SLC4A10: variants seen among roughly 807,000 people sequenced by gnomAD.
SLC4A10 encodes the protein solute carrier family 4 member 10, also known as sodium-driven chloride bicarbonate exchanger.
SLC4A10 carries 42 observed loss-of-function variants against 137.7 expected under a neutral mutation model. That is an observed-to-expected ratio of 0.30 (90% confidence interval 0.24 to 0.39). The LOEUF is 0.39. Among genes scored for constraint, SLC4A10 ranks in the 10% least tolerant of loss-of-function variants. SLC4A10 has a pLI of 1.00. For synonymous variants in SLC4A10, 474 were observed against 464.1 expected, an observed-to-expected ratio of 1.02 and a Z score of -0.27; for missense variants, 925 against 1,355.0, an observed-to-expected ratio of 0.68 and a Z score of 4.98.
At chr2:161,780,444 G>A (rs1039515132) in intron 2 of SLC4A10, among the ~76,000 whole-genome samples, 1 of 151,932 alleles carries the variant, frequency 6.6e-6, no homozygotes, top group African/African-American at 2.4e-5. Flanking sequence ...GCCCTTATAA[G>A]ACTGTGGCAC....
At chr2:161,887,182 A>G (rs968561800) in intron 10 of SLC4A10, among the ~76,000 whole-genome samples, 3 of 152,128 alleles carry the variant, frequency 2.0e-5, no homozygotes, top group African/African-American at 7.2e-5. Flanking sequence ...TTCTTTATCC[A>G]GTCTATCATT....
intron 12 of SLC4A10, 63 bp from the exon 13 acceptor site, chr2:161,903,941 G>A (rs1683723701): frequency 6.8e-7 from 1 of 1,471,090 alleles, no homozygotes; most frequent in Middle Eastern, 2.4e-4. Context: ...AAGCAAATGA[G>A]CATTTTGACT....
At chr2:161,831,701 CA>C (rs1418631079) in intron 3 of SLC4A10, among the ~76,000 whole-genome samples, 2 of 151,986 alleles carry the variant, frequency 1.3e-5, no homozygotes, top group East Asian at 3.9e-4. Context: ...AGCAAAATCC[CA>C]AGAATTCTTT....
chr2:161,775,789 TA>T (rs759350844), intron 2 of SLC4A10, among the ~76,000 whole-genome samples: 10 of 152,042 alleles, frequency 6.6e-5, no homozygotes, highest in South Asian at 4.1e-4. Context: ...ATTTAATGGA[TA>T]TTTTTTTTTC....
intron 11 of SLC4A10, among the ~76,000 whole-genome samples, chr2:161,896,816 A>G (rs1195605708): frequency 6.6e-6 from 1 of 152,142 alleles, no homozygotes; most frequent in East Asian, 1.9e-4. Context: ...CAGTTTGATG[A>G]CAACCTACTA....
chr2:161,797,304 C>T (rs1356883776), intron 2 of SLC4A10, among the ~76,000 whole-genome samples: 1 of 151,966 alleles, frequency 6.6e-6, no homozygotes, highest in African/African-American at 2.4e-5. Flanking sequence ...TGATGTAAAA[C>T]CTGCTTATTG....
At chr2:161,627,221 T>C (rs996410179) in intron 1 of SLC4A10, among the ~76,000 whole-genome samples, 24 of 152,136 alleles carry the variant, frequency 1.6e-4, no homozygotes, top group African/African-American at 5.5e-4. Context: ...AGAGGATGTA[T>C]AGGTTTCAGG....
chr2:161,866,136 A>G lies in SLC4A10; in HGVS notation c.766+3074A>G, dbSNP rs115917054. Among the ~76,000 whole-genome samples, 315 of 152,130 alleles carry G rather than the reference A, an allele frequency of 2.1e-3. 1 individual carries two copies. The highest frequency in any genetic ancestry group is 7.3e-3 in the African/African-American group (303 of 41,564). ...AACAAATTGAAGCTTATGTAGATAA[A>G]CCTGAAAGAGTCATATAGAATAAAG... is the stretch of plus-strand genomic sequence containing the variant. On this transcript the variant is annotated intron_variant, in intron 6 of 26. Coordinates refer to ENST00000446997, the MANE Select transcript of SLC4A10 (RefSeq NM_001178015.2).
At chr2:161,687,333 T>G (rs1559030750) in intron 1 of SLC4A10, among the ~76,000 whole-genome samples, 2 of 152,214 alleles carry the variant, frequency 1.3e-5, no homozygotes, top group Non-Finnish European at 2.9e-5. Flanking sequence ...GTGCTAAAAC[T>G]TCAGGTGAGT....
chr2:161,931,011 A>C (rs1253369116), intron 15 of SLC4A10, among the ~76,000 whole-genome samples: 1 of 152,098 alleles, frequency 6.6e-6, no homozygotes, highest in Non-Finnish European at 1.5e-5. Context: ...GGCTCACTGC[A>C]ACCTCTGCTT....
intron 16 of SLC4A10, among the ~76,000 whole-genome samples, chr2:161,943,290 AG>A (rs780595265): frequency 7.9e-5 from 12 of 152,106 alleles, no homozygotes; most frequent in African/African-American, 1.2e-4. Context: ...CTGGGGGGAA[AG>A]GGATGTTTCT....
At chr2:161,695,670 A>G (rs1439022308) in intron 1 of SLC4A10, among the ~76,000 whole-genome samples, 1 of 152,124 alleles carries the variant, frequency 6.6e-6, no homozygotes, top group Non-Finnish European at 1.5e-5. Flanking sequence ...CTCTGCTCTC[A>G]TTCCTTAGGC....
At chr2:161,682,368 T>C (rs2040952377) in intron 1 of SLC4A10, among the ~76,000 whole-genome samples, 2 of 152,178 alleles carry the variant, frequency 1.3e-5, no homozygotes. Context: ...GTATACATTA[T>C]GTTTTTAAAG....
chr2:161,799,611 G>A (rs1321465495), intron 2 of SLC4A10, among the ~76,000 whole-genome samples: 3 of 151,824 alleles, frequency 2.0e-5, no homozygotes, highest in East Asian at 1.9e-4. Flanking sequence ...AAGGGAAAAG[G>A]GAACTAACAT....
In SLC4A10 at chr2:161,894,760, G is replaced by C. The variant is rs1450453852; in HGVS notation, c.1276G>C (p.Val426Leu). The change falls in exon 11 of 27, where the codon GTT (valine) becomes CTT (leucine). Residue 426 changes from valine to leucine, a missense_variant. Around this residue, in one of 11 missense-constraint regions of SLC4A10, gnomAD observed 15 missense variants for 49.1 expected, o/e 0.31. Coordinates refer to ENST00000446997, the MANE Select transcript of SLC4A10 (RefSeq NM_001178015.2). ...GIDEFLDQVTVLPPGEWDPSI... is the reference protein window; with the variant it reads ...GIDEFLDQVTLLPPGEWDPSI... ...TGATGAGTTTCTGGATCAGGTTACT[G>C]TTCTCCCTCCTGGAGAATGGGATCC... The C allele has an allele frequency of 9.0e-6, 13 of 1,441,486 alleles. No homozygotes were observed. Among genetic ancestry groups the C allele is most frequent in the Non-Finnish European group, 1.1e-5 (12 of 1,086,738 alleles). The allele number at this position is 1,441,486 out of a possible 1,614,324, so 89.3% of individuals were successfully genotyped here.
intron 11 of SLC4A10, among the ~76,000 whole-genome samples, chr2:161,899,850 T>G (rs1465204389): frequency 1.3e-5 from 2 of 152,136 alleles, no homozygotes; most frequent in African/African-American, 4.8e-5. Flanking sequence ...TCTTACTGCG[T>G]CCATCCATTT....
intron 3 of SLC4A10, among the ~76,000 whole-genome samples, chr2:161,809,555 T>C (rs1218648087): frequency 6.6e-6 from 1 of 152,094 alleles, no homozygotes; most frequent in East Asian, 1.9e-4. Context: ...TTTTTGTATA[T>C]GGTGAAAAGT....
chr2:161,670,544 G>A (rs1054974961), intron 1 of SLC4A10, among the ~76,000 whole-genome samples: 2 of 148,364 alleles, frequency 1.3e-5, no homozygotes, highest in Non-Finnish European at 3.0e-5. Context: ...TATCTCGTGC[G>A]TACATAATTT....
At chr2:161,730,529 G>T (rs571900090) in intron 1 of SLC4A10, among the ~76,000 whole-genome samples, 42 of 152,082 alleles carry the variant, frequency 2.8e-4, no homozygotes, top group African/African-American at 9.6e-4. Flanking sequence ...AGAATGTAAG[G>T]TGGTCTCACA....
Sources: gnomAD v4.1 joint callset for allele counts (sites outside exome capture counted in the v4.1 genomes callset) on GRCh38, gnomAD v4.1.1 for gene constraint, gnomAD v4.1.1 regional missense constraint, MANE v1.5 for transcripts, NCBI Gene and HGNC (gene_info 2026-07-23, HGNC 2026-07-21) for gene names.